The following SIPA1L1 variants were observed in gnomAD, a reference collection of about 807,000 sequenced individuals.
The protein encoded by SIPA1L1 is signal induced proliferation associated 1 like 1.
Under a neutral mutation model 162.7 loss-of-function variants are expected in SIPA1L1, and 26 were observed. The observed-to-expected ratio is 0.16, with a 90% CI of 0.12 to 0.22. The LOEUF (loss-of-function observed/expected upper bound fraction) is 0.22, where lower values mean the gene tolerates loss of function less well. SIPA1L1 is among the 10% of genes least tolerant of loss of function. SIPA1L1 has a pLI of 1.00. For synonymous variants in SIPA1L1, 829 were observed against 837.4 expected, an observed-to-expected ratio of 0.99 and a Z score of 0.17; for missense variants, 1,874 against 2,241.0, an observed-to-expected ratio of 0.84 and a Z score of 3.31.
rs771608379 is a variant in SIPA1L1, at chr14:71,587,909, C to T, written c.37C>T (p.Leu13Phe). The T allele has an allele frequency of 6.2e-7, 1 of 1,612,058 alleles. No individual in the cohort carries two copies. The highest frequency in any genetic ancestry group is 1.3e-5 in the African/African-American group (1 of 74,896). ...GAAACGGTCACAGACAGAAAGGCCT[C>T]TTGCCACTGACAGGGCCTCTGTTGT... Reference protein sequence around the residue: ...SLKRSQTERPLATDRASVVGT... With the variant: ...SLKRSQTERPFATDRASVVGT... The change falls in exon 5 of 24, where the codon CTT becomes TTT. Residue 13 changes from leucine (L) to phenylalanine (F), a missense_variant. Transcript: ENST00000381232.
At chr14:71,641,776 G>A (rs1205105220) in intron 7 of SIPA1L1, among the ~76,000 whole-genome samples, 1 of 152,140 alleles carries the variant, frequency 6.6e-6, no homozygotes, top group East Asian at 1.9e-4. Flanking sequence ...TGCTGAAAGA[G>A]TAACCCTCAC....
chr14:71,495,136 A>G (rs1313658746), intron 2 of SIPA1L1, among the ~76,000 whole-genome samples: 1 of 152,188 alleles, frequency 6.6e-6, no homozygotes, highest in African/African-American at 2.4e-5. Context: ...TATTGTGGTA[A>G]TATAAAATGA....
intron 20 of SIPA1L1, among the ~76,000 whole-genome samples, chr14:71,731,374 A>G (rs569790956): frequency 3.3e-5 from 5 of 152,128 alleles, no homozygotes; most frequent in Admixed American, 6.6e-5. Context: ...TGCAGCTAAA[A>G]TCTGGGTTGT....
At position 71,650,352 on chromosome 14, in the gene SIPA1L1, A is replaced by G. The variant is rs751557624; in HGVS notation, c.1836A>G (p.Lys612=). Residue 612 remains lysine, a synonymous_variant, in exon 8 of 24, where the codon AAA becomes AAG. Coordinates refer to ENST00000381232, the MANE Select transcript of SIPA1L1 (RefSeq NM_001386936.1). Reference sequence around the variant, plus strand: ...CTTCACAGCTGAACTACCAGCAGAAAGTAGGCATCATGTACTGCAAAGCTG... The same window carrying G: ...CTTCACAGCTGAACTACCAGCAGAAGGTAGGCATCATGTACTGCAAAGCTG... ...LDEQGLNYQQ[K]VGIMYCKAGQ... 2.5e-6 allele frequency: 4 copies of G among 1,614,132 alleles called. No homozygotes were observed. Among genetic ancestry groups the G allele is most frequent in the Non-Finnish European group, 3.4e-6 (4 of 1,179,942 alleles).
intron 2 of SIPA1L1, among the ~76,000 whole-genome samples, chr14:71,374,762 C>G (rs371221132): frequency 6.7e-6 from 1 of 148,176 alleles, no homozygotes; most frequent in South Asian, 2.1e-4. Context: ...TATTTTCACT[C>G]CTATAGCCTG....
chr14:71,395,746 T>C (rs1041090644), intron 2 of SIPA1L1, among the ~76,000 whole-genome samples: 7 of 152,230 alleles, frequency 4.6e-5, no homozygotes, highest in African/African-American at 1.4e-4. Context: ...AGACCAGGAC[T>C]GTGTCAGCAC....
intron 2 of SIPA1L1, among the ~76,000 whole-genome samples, chr14:71,510,753 G>A (rs2051079332): frequency 6.6e-6 from 1 of 152,194 alleles, no homozygotes; most frequent in Admixed American, 6.5e-5. Flanking sequence ...GCCAGTTAAT[G>A]TTGGTATGAA....
chr14:71,332,060 T>C (rs2034606402), intron 2 of SIPA1L1, among the ~76,000 whole-genome samples: 1 of 152,206 alleles, frequency 6.6e-6, no homozygotes, highest in Admixed American at 6.5e-5. Context: ...TGGTAGAATT[T>C]CCATGGAGGA....
At chr14:71,570,738 T>G (rs1158464860) in intron 4 of SIPA1L1, among the ~76,000 whole-genome samples, 1 of 152,168 alleles carries the variant, frequency 6.6e-6, no homozygotes, top group African/African-American at 2.4e-5. Context: ...ATTAGTTTAT[T>G]AGAAGGACGA....
chr14:71,537,869 C>G (rs1481791229), intron 4 of SIPA1L1, among the ~76,000 whole-genome samples: 1 of 152,210 alleles, frequency 6.6e-6, no homozygotes, highest in Non-Finnish European at 1.5e-5. Flanking sequence ...AAATCTGCCA[C>G]TGTTCCTTTA....
At chr14:71,618,142 G>C (rs765724925) in intron 5 of SIPA1L1, among the ~76,000 whole-genome samples, 1 of 152,220 alleles carries the variant, frequency 6.6e-6, no homozygotes, top group Non-Finnish European at 1.5e-5. Flanking sequence ...GGACACACAA[G>C]TTACATTAGC....
chr14:71,514,149 G>A (rs1364307231), intron 3 of SIPA1L1, among the ~76,000 whole-genome samples: 1 of 152,222 alleles, frequency 6.6e-6, no homozygotes, highest in Non-Finnish European at 1.5e-5. Flanking sequence ...AAGCGGTGCA[G>A]TATCTGCAAA....
rs577506692 is a variant in SIPA1L1 at position 71,402,798 on chromosome 14, A to T, written c.-465+81617A>T. ...ACTATCATTATTATTTATAAGGGAA[A>T]TTACTTAATTGGAAGACAATTAGAT... On this transcript the variant is annotated intron_variant, in intron 2 of 23. Transcript: ENST00000381232. Among the ~76,000 whole-genome samples, 4 of 152,314 alleles carry T rather than the reference A, an allele frequency of 2.6e-5. No individual in the cohort carries two copies. In the South Asian group the frequency reaches 8.3e-4, roughly 32 times the overall value.
intron 2 of SIPA1L1, among the ~76,000 whole-genome samples, chr14:71,340,340 G>T (rs1200489938): frequency 2.0e-5 from 3 of 151,886 alleles, no homozygotes; most frequent in African/African-American, 7.2e-5. Flanking sequence ...TAGGACTTTG[G>T]CCTGTCACGG....
chr14:71,381,371 G>A (rs1213837065), intron 2 of SIPA1L1, among the ~76,000 whole-genome samples: 3 of 152,058 alleles, frequency 2.0e-5, no homozygotes, highest in African/African-American at 7.2e-5. Flanking sequence ...CTTATTTAAT[G>A]AGTTTGGAAT....
chr14:71,631,432 G>C (rs931021396), intron 7 of SIPA1L1, among the ~76,000 whole-genome samples: 2 of 152,184 alleles, frequency 1.3e-5, no homozygotes, highest in Non-Finnish European at 2.9e-5. Flanking sequence ...GGGCATGTAT[G>C]TGTAGATTTA....
intron 8 of SIPA1L1, among the ~76,000 whole-genome samples, chr14:71,654,340 C>G (rs995088184): frequency 6.6e-6 from 1 of 152,112 alleles, no homozygotes; most frequent in Non-Finnish European, 1.5e-5. Context: ...TTCTCTCACA[C>G]TACAATAAAT....
At chr14:71,363,737 C>G (rs1462032822) in intron 2 of SIPA1L1, among the ~76,000 whole-genome samples, 3 of 152,116 alleles carry the variant, frequency 2.0e-5, no homozygotes, top group East Asian at 3.8e-4. Context: ...TATTTCCTAA[C>G]TATATTACCA....
intron 2 of SIPA1L1, among the ~76,000 whole-genome samples, chr14:71,384,411 GA>G (rs1460469797): frequency 6.6e-6 from 1 of 152,218 alleles, no homozygotes; most frequent in Non-Finnish European, 1.5e-5. Context: ...GCAGAAGGGA[GA>G]GGGGCACACC....
Sources: gnomAD v4.1 joint callset for allele counts (sites outside exome capture counted in the v4.1 genomes callset) on GRCh38, gnomAD v4.1.1 for gene constraint, MANE v1.5 for transcripts, NCBI Gene and HGNC (gene_info 2026-07-23, HGNC 2026-07-21) for gene names.